Variants in NTM observed in about 807,000 individuals in gnomAD.
NTM encodes the protein neurotrimin.
A neutral mutation model predicts 42.1 loss-of-function variants in NTM; 13 were observed. The ratio of observed to expected loss-of-function variants is 0.31; its 90% CI spans 0.20 to 0.49. The LOEUF is 0.49. NTM is among the 20% of genes least tolerant of loss of function. The probability of loss-of-function intolerance (pLI) is 0.99; values close to 1 mark genes in which losing one functional copy is unlikely to be tolerated. For synonymous variants in NTM, 187 were observed against 179.2 expected (o/e 1.04, Z -0.35); for missense variants, 373 against 452.8 (o/e 0.82, Z 1.60).
chr11:131,606,906 T>C (rs1261348045), intron 1 of NTM, among the ~76,000 whole-genome samples: 1 of 152,166 alleles, frequency 6.6e-6, no homozygotes, highest in Non-Finnish European at 1.5e-5. Flanking sequence ...TCTAAATGTA[T>C]CTTTATCATC....
chr11:131,988,897 T>G (rs1435956221), intron 2 of NTM, among the ~76,000 whole-genome samples: 1 of 152,188 alleles, frequency 6.6e-6, no homozygotes, highest in Non-Finnish European at 1.5e-5. Context: ...AAGCCTATAG[T>G]AGTGAGCTCA....
At chr11:132,277,778 A>C (rs2093787132) in intron 4 of NTM, among the ~76,000 whole-genome samples, 1 of 152,156 alleles carries the variant, frequency 6.6e-6, no homozygotes, top group Non-Finnish European at 1.5e-5. Flanking sequence ...AGATTGTTAC[A>C]ATATTGGTAA....
intron 2 of NTM, among the ~76,000 whole-genome samples, chr11:132,037,735 A>C (rs2135734318): frequency 6.6e-6 from 1 of 152,306 alleles, no homozygotes; most frequent in Middle Eastern, 3.4e-3. Context: ...CTCCAATGAA[A>C]ACACCTTGCT....
intron 2 of NTM, among the ~76,000 whole-genome samples, chr11:131,960,804 G>C (rs112687693): frequency 0.033 from 5,067 of 152,236 alleles, 266 homozygotes; most frequent in African/African-American, 0.11. Flanking sequence ...AAATTGGTCT[G>C]TTACATCCAG....
chr11:131,616,118 T>A (rs1230911289), intron 1 of NTM, among the ~76,000 whole-genome samples: 1 of 152,228 alleles, frequency 6.6e-6, no homozygotes, highest in Non-Finnish European at 1.5e-5. Flanking sequence ...TTGCATGGAC[T>A]CTTTCATCAA....
At chr11:132,052,973 C>T (rs138428366) in intron 2 of NTM, among the ~76,000 whole-genome samples, 91 of 152,112 alleles carry the variant, frequency 6.0e-4, no homozygotes, top group Non-Finnish European at 1.0e-3. Flanking sequence ...AATGAAACAA[C>T]AACAACAAAA....
At chr11:132,223,112 T>A (rs1555322806) in intron 4 of NTM, among the ~76,000 whole-genome samples, 1 of 152,228 alleles carries the variant, frequency 6.6e-6, no homozygotes, top group Non-Finnish European at 1.5e-5. Flanking sequence ...GAAAACCTTT[T>A]GGTAAAGCAA....
At chr11:131,963,848 A>G (rs1369682076) in intron 2 of NTM, among the ~76,000 whole-genome samples, 1 of 152,224 alleles carries the variant, frequency 6.6e-6, no homozygotes, top group Admixed American at 6.5e-5. Context: ...ACTTTGAGGT[A>G]GATACTGTGG....
chr11:131,837,205 T>C (rs1448338059), intron 1 of NTM, among the ~76,000 whole-genome samples: 1 of 152,208 alleles, frequency 6.6e-6, no homozygotes, highest in Non-Finnish European at 1.5e-5. Flanking sequence ...CACTTCATGA[T>C]ATGCATTTCC....
intron 2 of NTM, among the ~76,000 whole-genome samples, chr11:132,033,738 G>A (rs2076193848): frequency 6.6e-6 from 1 of 152,204 alleles, no homozygotes; most frequent in African/African-American, 2.4e-5. Context: ...ATTGGCTGTG[G>A]TATGGTCCCT....
At chr11:132,218,138 C>T (rs954203503) in intron 4 of NTM, among the ~76,000 whole-genome samples, 5 of 152,000 alleles carry the variant, frequency 3.3e-5, no homozygotes, top group South Asian at 2.1e-4. Flanking sequence ...CCCCGTGTGG[C>T]GCTGAGATCA....
intron 2 of NTM, among the ~76,000 whole-genome samples, chr11:131,918,318 A>G (rs1221883908): frequency 6.6e-6 from 1 of 152,152 alleles, no homozygotes; most frequent in Non-Finnish European, 1.5e-5. Context: ...GCTGACATTT[A>G]TCACCGTATT....
intron 2 of NTM, among the ~76,000 whole-genome samples, chr11:132,079,889 C>T (rs2058815748): frequency 6.6e-6 from 1 of 152,108 alleles, no homozygotes; most frequent in Non-Finnish European, 1.5e-5. Flanking sequence ...ATAAGTTTTC[C>T]TTTGCTTGAA....
intron 4 of NTM, among the ~76,000 whole-genome samples, chr11:132,301,110 C>T (rs1466388367): frequency 3.3e-5 from 5 of 152,104 alleles, no homozygotes; most frequent in East Asian, 3.9e-4. Context: ...GAGGTTTAAT[C>T]GACTCACAGT....
chr11:132,141,071 G>A (rs2069011820), intron 2 of NTM: 1 of 152,198 alleles, frequency 6.6e-6, no homozygotes, highest in Admixed American at 6.5e-5. Context: ...CTTCAGGCAG[G>A]TGTGTTTAAG....
intron 2 of NTM, among the ~76,000 whole-genome samples, chr11:132,139,033 C>A (rs890377865): frequency 6.6e-6 from 1 of 152,160 alleles, no homozygotes; most frequent in Admixed American, 6.5e-5. Context: ...TGGAGTCCAG[C>A]GTGAATTCCC....
chr11:131,908,146 C>A (rs150041617), intron 1 of NTM, among the ~76,000 whole-genome samples: 123 of 152,338 alleles, frequency 8.1e-4, no homozygotes, highest in African/African-American at 2.6e-3. Context: ...AAGCTTAGTG[C>A]TTTCCCTTCA....
chr11:131,544,802 G>A (rs1264842518), intron 1 of NTM, among the ~76,000 whole-genome samples: 3 of 152,162 alleles, frequency 2.0e-5, no homozygotes, highest in Admixed American at 1.3e-4. Flanking sequence ...TGGGGGCGCC[G>A]CTTGCTCTAT....
At chr11:131,911,157 C>G (rs1373351350) in intron 1 of NTM, 2 of 1,300,596 alleles carry the variant, frequency 1.5e-6, no homozygotes, top group Non-Finnish European at 2.0e-6. Flanking sequence ...AGAAGCGGCT[C>G]CTGAGACGCG....
Sources: gnomAD v4.1 joint callset for allele counts (sites outside exome capture counted in the v4.1 genomes callset) on GRCh38, gnomAD v4.1.1 for gene constraint, MANE v1.5 for transcripts, NCBI Gene and HGNC (gene_info 2026-07-23, HGNC 2026-07-21) for gene names.